Variants in ADAMTS17 observed in about 807,000 individuals in gnomAD.
The protein encoded by ADAMTS17 is ADAM metallopeptidase with thrombospondin type 1 motif 17.
ADAMTS17 carries 113 observed loss-of-function variants against 141.5 expected under a neutral mutation model. The ratio of observed to expected loss-of-function variants is 0.80; its 90% CI spans 0.69 to 0.93. The LOEUF is 0.93. ADAMTS17 is among the 40% of genes least tolerant of loss of function. ADAMTS17 has a pLI of 0.00. For missense variants in ADAMTS17, 1,659 were observed against 1,517.9 expected, an observed-to-expected ratio of 1.09 and a Z score of -1.54; for synonymous variants, 768 against 630.6, an observed-to-expected ratio of 1.22 and a Z score of -3.27.
At chr15:100,200,319 C>T (rs1441969634) in intron 7 of ADAMTS17, among the ~76,000 whole-genome samples, 1 of 152,060 alleles carries the variant, frequency 6.6e-6, no homozygotes, top group Non-Finnish European at 1.5e-5. Context: ...CAGAGGGACG[C>T]ATAGGATGAC....
intron 2 of ADAMTS17, among the ~76,000 whole-genome samples, chr15:100,340,502 A>T (rs1397253005): frequency 1.3e-5 from 2 of 152,210 alleles, no homozygotes; most frequent in East Asian, 3.9e-4. Context: ...TCAGCTAGGA[A>T]GAGTGGGGTG....
At position 100,115,247 on chromosome 15, in the gene ADAMTS17, G is replaced by C. The variant is rs1411999661; in HGVS notation, c.1888+1600C>G. 2.6e-5 allele frequency among the ~76,000 whole-genome samples: 4 copies of C among 152,172 alleles called. No individual in the cohort carries two copies. In the East Asian group the frequency reaches 7.7e-4, roughly 29 times the overall value. ...AAGCCTCCTGCCACCTCCTGCATCCGACTCACAGCCAGGCGGAGGGAGGCA... is the reference window on the plus strand; with the variant it reads ...AAGCCTCCTGCCACCTCCTGCATCCCACTCACAGCCAGGCGGAGGGAGGCA... On this transcript the variant is annotated intron_variant, in intron 13 of 21. Transcript: ENST00000268070.
At chr15:100,161,453 G>A (rs746190244) in intron 8 of ADAMTS17, among the ~76,000 whole-genome samples, 117 of 152,258 alleles carry the variant, frequency 7.7e-4, no homozygotes, top group Non-Finnish European at 1.5e-3. Flanking sequence ...TTGGGCTCCC[G>A]TGAACACAGC....
intron 7 of ADAMTS17, among the ~76,000 whole-genome samples, chr15:100,231,556 G>A (rs1191768006): frequency 1.3e-5 from 2 of 152,192 alleles, no homozygotes; most frequent in African/African-American, 2.4e-5. Flanking sequence ...CTGACCGCCT[G>A]TAATCAAATC....
At chr15:99,982,354 C>T (rs1357346454) in intron 20 of ADAMTS17, among the ~76,000 whole-genome samples, 1 of 152,132 alleles carries the variant, frequency 6.6e-6, no homozygotes, top group Non-Finnish European at 1.5e-5. Context: ...ACAGCCCTGT[C>T]TGCCTGGCTC....
At chr15:100,268,358 T>A (rs1348010134) in intron 4 of ADAMTS17, among the ~76,000 whole-genome samples, 1 of 152,202 alleles carries the variant, frequency 6.6e-6, no homozygotes, top group Non-Finnish European at 1.5e-5. Context: ...TGTCTTGAGT[T>A]CTCTGAGAAA....
intron 15 of ADAMTS17, chr15:100,063,694 C>A (rs746090583): frequency 5.7e-5 from 74 of 1,289,786 alleles, no homozygotes; most frequent in Non-Finnish European, 6.6e-5. Flanking sequence ...AAGCTGTGGG[C>A]AGGTTTATCC....
At position 100,155,047 on chromosome 15, in the gene ADAMTS17, C is replaced by A. The variant is rs1307784294; in HGVS notation, c.1322+133G>T. On this transcript the variant is annotated intron_variant, in intron 9 of 21. Coordinates refer to ENST00000268070, the MANE Select transcript of ADAMTS17 (RefSeq NM_139057.4). ...CCATTATAGGACACTCTGCGCTGAC[C>A]GCCTCCTGAGGCTAGATGCAAATCC... is the stretch of plus-strand genomic sequence containing the variant. 5.9e-6 allele frequency: 8 copies of A among 1,349,910 alleles called. No individual in the cohort carries two copies. In the South Asian group the frequency reaches 6.2e-5, roughly 10 times the overall value. The allele number at this position is 1,349,910 out of a possible 1,614,324, so 83.6% of individuals were successfully genotyped here.
chr15:100,317,073 C>T (rs1011706098), intron 3 of ADAMTS17, among the ~76,000 whole-genome samples: 3 of 152,136 alleles, frequency 2.0e-5, no homozygotes, highest in African/African-American at 4.8e-5. Flanking sequence ...AGGGTAATTA[C>T]GAATTATCAG....
chr15:100,150,528 G>A (rs1005848498), intron 10 of ADAMTS17, among the ~76,000 whole-genome samples: 2 of 152,122 alleles, frequency 1.3e-5, no homozygotes, highest in Non-Finnish European at 2.9e-5. Context: ...ACAGTGCAAG[G>A]ACAAAGTCCA....
At chr15:100,330,517 T>C (rs1337649579) in intron 3 of ADAMTS17, among the ~76,000 whole-genome samples, 2 of 152,200 alleles carry the variant, frequency 1.3e-5, no homozygotes, top group Non-Finnish European at 2.9e-5. Context: ...CTTTAGTTAC[T>C]GCGGCCAGAA....
intron 7 of ADAMTS17, among the ~76,000 whole-genome samples, chr15:100,206,534 G>A (rs1324325345): frequency 6.6e-6 from 1 of 152,204 alleles, no homozygotes. Context: ...TCCCACTTCA[G>A]TGACAGCTTT....
chr15:100,172,483 C>G (rs1414107487), intron 8 of ADAMTS17, among the ~76,000 whole-genome samples: 4 of 152,088 alleles, frequency 2.6e-5, no homozygotes, highest in African/African-American at 9.7e-5. Flanking sequence ...GGTCACCTGC[C>G]CCATCCTGAC....
chr15:100,128,933 A>C (rs1167319133), intron 12 of ADAMTS17: 1 of 152,254 alleles, frequency 6.6e-6, no homozygotes, highest in African/African-American at 2.4e-5. Flanking sequence ...TTGGGCTACC[A>C]ATGCCAGGGA....
chr15:100,081,391 T>C (rs2034725422), intron 15 of ADAMTS17, among the ~76,000 whole-genome samples: 1 of 152,194 alleles, frequency 6.6e-6, no homozygotes, highest in African/African-American at 2.4e-5. Context: ...CACTACTTAA[T>C]AAACTCCCAT....
chr15:100,054,497 G>A (rs1050751116), intron 15 of ADAMTS17, among the ~76,000 whole-genome samples: 1 of 152,178 alleles, frequency 6.6e-6, no homozygotes, highest in Non-Finnish European at 1.5e-5. Context: ...AAACTCATCA[G>A]TTCCCTTTCC....
In ADAMTS17 at chr15:100,048,796, C is replaced by A. The variant is rs1222214582; in HGVS notation, c.2591+61G>T. Reference sequence around the variant, plus strand: ...GCATTAACTGCATATCACTCCCCACCACTGATGGTGCTGCCGCCCCAGACT... The same window carrying A: ...GCATTAACTGCATATCACTCCCCACAACTGATGGTGCTGCCGCCCCAGACT... On this transcript the variant is annotated intron_variant, in intron 18 of 21. Coordinates refer to ENST00000268070, the MANE Select transcript of ADAMTS17 (RefSeq NM_139057.4). 6 of 1,612,168 alleles carry A rather than the reference C, an allele frequency of 3.7e-6. No individual in the cohort carries two copies. The Admixed American group carries it at 5.0e-5, about 13-fold the overall frequency.
intron 7 of ADAMTS17, among the ~76,000 whole-genome samples, chr15:100,211,401 A>C (rs1249697316): frequency 6.6e-6 from 1 of 152,180 alleles, no homozygotes; most frequent in African/African-American, 2.4e-5. Flanking sequence ...CTGTTCAATA[A>C]ATGGCACTGG....
At position 100,330,877 on chromosome 15, in the gene ADAMTS17, GC is replaced by G. The variant is rs769721903; in HGVS notation, c.616+11del. ...TGTGTTCTAAGCTGGTCATGCTGCT[GC>G]CCCGACTCACCTGTTAGAACCTTGC... is the stretch of plus-strand genomic sequence containing the variant. On this transcript the variant is annotated intron_variant, in intron 3 of 21. Coordinates refer to ENST00000268070, the MANE Select transcript of ADAMTS17 (RefSeq NM_139057.4). 2.5e-6 allele frequency: 4 copies of G among 1,613,894 alleles called. No individual in the cohort carries two copies. The highest frequency in any genetic ancestry group is 2.5e-6 in the Non-Finnish European group (3 of 1,179,794).
Sources: gnomAD v4.1 joint callset for allele counts (sites outside exome capture counted in the v4.1 genomes callset) on GRCh38, gnomAD v4.1.1 for gene constraint, MANE v1.5 for transcripts, NCBI Gene and HGNC (gene_info 2026-07-23, HGNC 2026-07-21) for gene names.